Variants in OPCML observed in about 807,000 individuals in gnomAD.
OPCML encodes the protein opioid-binding protein/cell adhesion molecule.
OPCML carries 13 observed loss-of-function variants against 37.8 expected under a neutral mutation model. The ratio of observed to expected loss-of-function variants is 0.34; its 90% CI spans 0.22 to 0.55. The LOEUF is 0.55. Among genes scored for constraint, OPCML ranks in the 20% least tolerant of loss-of-function variants. The pLI is 0.91. For missense variants in OPCML, 341 were observed against 435.6 expected (o/e 0.78, Z 1.93); for synonymous variants, 176 against 168.8 (o/e 1.04, Z -0.33).
At chr11:133,527,713 T>G (rs1412051201) in intron 1 of OPCML, among the ~76,000 whole-genome samples, 3 of 152,230 alleles carry the variant, frequency 2.0e-5, no homozygotes, top group Non-Finnish European at 4.4e-5. Context: ...TCAGCTACTC[T>G]GTGCAGTTGG....
At chr11:132,923,347 G>A (rs2659625) in intron 2 of OPCML, among the ~76,000 whole-genome samples, 7,778 of 152,144 alleles carry the variant, frequency 0.051, 309 homozygotes, top group Middle Eastern at 0.16. Context: ...GACTGGGTAC[G>A]GGAATCTGTA....
chr11:132,576,704 G>A (rs886870476), intron 3 of OPCML, among the ~76,000 whole-genome samples: 1 of 152,046 alleles, frequency 6.6e-6, no homozygotes. Context: ...GTTGGTGTCT[G>A]CATATTAGAT....
At chr11:133,484,386 A>C (rs985288132) in intron 1 of OPCML, among the ~76,000 whole-genome samples, 2 of 152,184 alleles carry the variant, frequency 1.3e-5, no homozygotes, top group Admixed American at 6.5e-5. Context: ...TAAATTCAAA[A>C]AAAATCCAGC....
chr11:132,702,015 G>A (rs1219631353), intron 2 of OPCML, among the ~76,000 whole-genome samples: 9 of 152,020 alleles, frequency 5.9e-5, no homozygotes, highest in Non-Finnish European at 1.0e-4. Flanking sequence ...TATAGTTTGT[G>A]TTCATCAGGA....
chr11:132,575,812 C>T (rs555115797), intron 3 of OPCML, among the ~76,000 whole-genome samples: 9 of 152,018 alleles, frequency 5.9e-5, no homozygotes, highest in African/African-American at 2.2e-4. Context: ...TTTAAAATTT[C>T]TTATGTGACA....
chr11:132,453,058 C>T lies in OPCML; in HGVS notation c.506-15699G>A, dbSNP rs561923445. On this transcript the variant is annotated intron_variant, in intron 4 of 7. Transcript: ENST00000524381. The stretch of plus-strand genomic sequence containing the variant: ...AGTTGCTCAAAGTTGAAGATGCCAT[C>T]TATTTCCCACTGGGCTCTTGACTGT... Among the ~76,000 whole-genome samples, 69 of 152,310 alleles carry T rather than the reference C, an allele frequency of 4.5e-4. 1 individual carries two copies. The South Asian group carries it at 0.013, about 28-fold the overall frequency.
At chr11:133,472,194 A>G (rs1017614217) in intron 1 of OPCML, among the ~76,000 whole-genome samples, 5 of 152,116 alleles carry the variant, frequency 3.3e-5, no homozygotes, top group Non-Finnish European at 4.4e-5. Context: ...TTCACCACTA[A>G]TCCTCAAATC....
At chr11:132,992,051 A>G (rs1203789904) in intron 1 of OPCML, among the ~76,000 whole-genome samples, 4 of 152,044 alleles carry the variant, frequency 2.6e-5, no homozygotes, top group Non-Finnish European at 5.9e-5. Flanking sequence ...AGTAGGTTGG[A>G]CCAATATTAT....
At chr11:133,137,740 G>A (rs1014677030) in intron 1 of OPCML, among the ~76,000 whole-genome samples, 1 of 152,136 alleles carries the variant, frequency 6.6e-6, no homozygotes, top group African/African-American at 2.4e-5. Flanking sequence ...GAACCTAAAG[G>A]TTGTCATTGT....
intron 3 of OPCML, among the ~76,000 whole-genome samples, chr11:132,591,133 C>G (rs1438058110): frequency 6.6e-6 from 1 of 152,106 alleles, no homozygotes; most frequent in South Asian, 2.1e-4. Flanking sequence ...GTTAGTTATC[C>G]CCGGCCTGAG....
At chr11:133,105,697 G>A (rs1040521109) in intron 1 of OPCML, among the ~76,000 whole-genome samples, 1 of 152,176 alleles carries the variant, frequency 6.6e-6, no homozygotes, top group East Asian at 1.9e-4. Flanking sequence ...AAAAGAAAAA[G>A]AGGCTGGGCA....
At chr11:133,215,482 A>C (rs567542879) in intron 1 of OPCML, among the ~76,000 whole-genome samples, 27 of 152,260 alleles carry the variant, frequency 1.8e-4, no homozygotes, top group Middle Eastern at 3.4e-3. Context: ...CTTCACTGAT[A>C]CCAGTTCGAA....
chr11:133,027,579 TTATGTGTGGTG>T (rs542662579), intron 1 of OPCML, among the ~76,000 whole-genome samples: 1,712 of 146,524 alleles, frequency 0.012, 17 homozygotes, highest in Middle Eastern at 0.032. Context: ...GTGTGGTGTG[TTATGTGTGGTG>T]TATGTGTGGT....
intron 2 of OPCML, among the ~76,000 whole-genome samples, chr11:132,748,770 T>G (rs1007174881): frequency 9.2e-5 from 14 of 152,162 alleles, no homozygotes; most frequent in African/African-American, 3.1e-4. Context: ...CTTCCTGTTC[T>G]GCGGAGAGGA....
chr11:133,485,006 C>A (rs1349959488), intron 1 of OPCML, among the ~76,000 whole-genome samples: 2 of 152,036 alleles, frequency 1.3e-5, no homozygotes, highest in African/African-American at 4.8e-5. Context: ...TTTTGAAGCA[C>A]AGAAAGCAAT....
chr11:133,173,032 C>T lies in OPCML; in HGVS notation c.62-230022G>A, dbSNP rs75320512. ...ATGAAAAGTTACATGGCTTAATAAT[C>T]AAACATCACTTGGACAATTCTGAAC... On this transcript the variant is annotated intron_variant, in intron 1 of 7. Coordinates refer to ENST00000524381, the MANE Select transcript of OPCML (RefSeq NM_001012393.5). This position sits in a 1 kb window ranked among gnomAD's most constrained non-coding sequence, Gnocchi z 7.8. Among the ~76,000 whole-genome samples the T allele has an allele frequency of 3.9e-3, 601 of 152,276 alleles. 7 individuals carry two copies. The highest frequency in any genetic ancestry group is 0.014 in the African/African-American group (581 of 41,548).
chr11:133,366,489 A>G (rs941437513), intron 1 of OPCML, among the ~76,000 whole-genome samples: 1 of 152,182 alleles, frequency 6.6e-6, no homozygotes, highest in Non-Finnish European at 1.5e-5. Context: ...TGTCAAAACA[A>G]AGGCTGGAAT....
chr11:132,516,774 T>C (rs558529975), intron 4 of OPCML, among the ~76,000 whole-genome samples: 5 of 152,294 alleles, frequency 3.3e-5, no homozygotes, highest in Non-Finnish European at 7.4e-5. Context: ...TAGGCATGCG[T>C]GCATTAAATA....
intron 2 of OPCML, among the ~76,000 whole-genome samples, chr11:132,675,162 T>A (rs1158253459): frequency 9.8e-6 from 1 of 102,252 alleles, no homozygotes; most frequent in African/African-American, 3.8e-5. Context: ...TGTATGTGTG[T>A]GTGTGTGTGT....
Sources: gnomAD v4.1 joint callset for allele counts (sites outside exome capture counted in the v4.1 genomes callset) on GRCh38, gnomAD v4.1.1 for gene constraint, Gnocchi (gnomAD v3.1) non-coding constraint, MANE v1.5 for transcripts, NCBI Gene and HGNC (gene_info 2026-07-23, HGNC 2026-07-21) for gene names.